The following DDC variants were observed in gnomAD, a reference collection of about 807,000 sequenced individuals.
The protein encoded by DDC is aromatic-L-amino-acid decarboxylase.
DDC carries 43 observed loss-of-function variants against 60.0 expected under a neutral mutation model. The ratio of observed to expected loss-of-function variants is 0.72; its 90% CI spans 0.56 to 0.92. The LOEUF (loss-of-function observed/expected upper bound fraction) is 0.92. DDC is among the 40% of genes least tolerant of loss of function. The pLI is 0.00. For synonymous variants in DDC, 232 were observed against 234.6 expected, an observed-to-expected ratio of 0.99 and a Z score of 0.10; for missense variants, 573 against 620.2, an observed-to-expected ratio of 0.92 and a Z score of 0.81.
intron 1 of DDC, among the ~76,000 whole-genome samples, chr7:50,558,079 C>G (rs892994337): frequency 2.1e-5 from 1 of 47,000 alleles, no homozygotes; most frequent in Non-Finnish European, 3.9e-5. Flanking sequence ...CAGAAATCAC[C>G]CCCCCCCTTA....
At chr7:50,462,648 C>G (rs1490780413) in intron 14 of DDC, among the ~76,000 whole-genome samples, 2 of 151,950 alleles carry the variant, frequency 1.3e-5, no homozygotes, top group African/African-American at 4.8e-5. Context: ...TTTGAAGAAA[C>G]CTGAAGTATT....
rs189436422 is a variant in DDC, at chr7:50,521,437, A to G, written c.714+6700T>C. 3.1e-3 allele frequency among the ~76,000 whole-genome samples: 466 copies of G among 152,322 alleles called. 1 individual carries two copies. The highest frequency in any genetic ancestry group is 0.017 in the Middle Eastern group (5 of 294). ...AATACTTTCTGACTCATTCTATGAGACCAGTATTACAAAGACATTGCAAGA... is the reference window on the plus strand; with the variant it reads ...AATACTTTCTGACTCATTCTATGAGGCCAGTATTACAAAGACATTGCAAGA... On this transcript the variant is annotated intron_variant, in intron 6 of 14. Transcript: ENST00000444124.
At chr7:50,546,302 G>A (rs867929803) in intron 1 of DDC, among the ~76,000 whole-genome samples, 1 of 152,120 alleles carries the variant, frequency 6.6e-6, no homozygotes, top group Non-Finnish European at 1.5e-5. Context: ...ACTGCAATAG[G>A]GATAGAATGT....
chr7:50,507,420 C>T (rs372451864), intron 6 of DDC, among the ~76,000 whole-genome samples: 79 of 152,204 alleles, frequency 5.2e-4, no homozygotes, highest in African/African-American at 1.8e-3. Context: ...TTAGTAGAGA[C>T]GGGGTTTCAC....
At chr7:50,489,586 A>C (rs557660622) in intron 9 of DDC, among the ~76,000 whole-genome samples, 2 of 152,352 alleles carry the variant, frequency 1.3e-5, no homozygotes, top group South Asian at 4.1e-4. Flanking sequence ...ACCCAGGAGA[A>C]GATGACAATC....
At chr7:50,510,705 G>A (rs1314917754) in intron 6 of DDC, among the ~76,000 whole-genome samples, 1 of 150,664 alleles carries the variant, frequency 6.6e-6, no homozygotes, top group Non-Finnish European at 1.5e-5. Flanking sequence ...AAGATGGCAG[G>A]GCACGGTGGC....
At chr7:50,529,451 G>T in intron 4 of DDC, 109 bp from the exon 5 acceptor site, 1 of 1,337,796 alleles carries the variant, frequency 7.5e-7, no homozygotes, top group Non-Finnish European at 1.1e-6. Context: ...TAAAATATGA[G>T]TCTGAAATGG....
In DDC at chr7:50,543,878, C is replaced by T. The variant is rs1172420809; in HGVS notation, c.201+7G>A. 1.9e-6 allele frequency: 3 copies of T among 1,613,652 alleles called. No homozygotes were observed. In the South Asian group the frequency reaches 3.3e-5, roughly 18 times the overall value. On this transcript the variant is annotated splice_region_variant and intron_variant, in intron 2 of 14. Transcript: ENST00000444124. ...CTCCTGTTTTCTGACCTTGGATACACACTTACCCCAGGCATGATTATCTTC... is the reference window on the plus strand; with the variant it reads ...CTCCTGTTTTCTGACCTTGGATACATACTTACCCCAGGCATGATTATCTTC...
intron 6 of DDC, among the ~76,000 whole-genome samples, chr7:50,518,219 A>C (rs1329019721): frequency 4.0e-5 from 6 of 151,332 alleles, no homozygotes; most frequent in Non-Finnish European, 8.9e-5. Context: ...CTCAAAAAAA[A>C]AAAAAAAGAA....
At chr7:50,520,941 A>G (rs1314973943) in intron 6 of DDC, among the ~76,000 whole-genome samples, 1 of 130,078 alleles carries the variant, frequency 7.7e-6, no homozygotes, top group Non-Finnish European at 1.7e-5. Context: ...ATAAATAAAT[A>G]AATGCAATGT....
intron 9 of DDC, among the ~76,000 whole-genome samples, chr7:50,480,169 T>C (rs1431179646): frequency 6.6e-6 from 1 of 152,194 alleles, no homozygotes; most frequent in Admixed American, 6.5e-5. Flanking sequence ...CTCGATGGCT[T>C]CCAATCTCCA....
At chr7:50,548,195 G>A (rs1309770229) in intron 1 of DDC, among the ~76,000 whole-genome samples, 1 of 152,114 alleles carries the variant, frequency 6.6e-6, no homozygotes, top group Non-Finnish European at 1.5e-5. Context: ...TCTAAGATGT[G>A]ACAAAATTGA....
At chr7:50,502,693 G>A (rs993275431) in intron 7 of DDC, among the ~76,000 whole-genome samples, 2 of 152,250 alleles carry the variant, frequency 1.3e-5, no homozygotes, top group Admixed American at 6.5e-5. Context: ...CTGTGAGAGC[G>A]GGTAAGTCTA....
At chr7:50,526,345 A>G (rs186836981) in intron 6 of DDC, among the ~76,000 whole-genome samples, 42 of 152,326 alleles carry the variant, frequency 2.8e-4, no homozygotes, top group African/African-American at 9.9e-4. Flanking sequence ...TATACCCAGA[A>G]AAAATATCTT....
chr7:50,522,609 G>A (rs2043926010), intron 6 of DDC, among the ~76,000 whole-genome samples: 1 of 152,160 alleles, frequency 6.6e-6, no homozygotes, highest in Admixed American at 6.5e-5. Flanking sequence ...CACAAATGAA[G>A]TCAACTGATC....
chr7:50,526,966 C>T (rs1246715315), intron 6 of DDC, among the ~76,000 whole-genome samples: 1 of 151,920 alleles, frequency 6.6e-6, no homozygotes, highest in Non-Finnish European at 1.5e-5. Context: ...AAAATATGTA[C>T]ACAATTTAAC....
chr7:50,510,854 G>A (rs1365374825), intron 6 of DDC, among the ~76,000 whole-genome samples: 4 of 150,574 alleles, frequency 2.7e-5, no homozygotes, highest in African/African-American at 4.9e-5. Flanking sequence ...GGTGGTGGGC[G>A]CCTGTAGTCC....
chr7:50,511,578 A>T (rs1040170094), intron 6 of DDC, among the ~76,000 whole-genome samples: 5 of 152,122 alleles, frequency 3.3e-5, no homozygotes, highest in Non-Finnish European at 7.4e-5. Flanking sequence ...AATACAAAAA[A>T]ATTAGCCAGG....
chr7:50,555,002 A>C (rs1176921781), intron 1 of DDC, among the ~76,000 whole-genome samples: 5 of 152,148 alleles, frequency 3.3e-5, no homozygotes, highest in Non-Finnish European at 1.5e-5. Context: ...GTAACCGAGG[A>C]AGCTCAGGTA....
Sources: allele counts gnomAD v4.1 joint callset (sites outside exome capture counted in the v4.1 genomes callset), GRCh38; gene constraint gnomAD v4.1.1; transcripts MANE v1.5; gene names NCBI Gene and HGNC (gene_info 2026-07-23, HGNC 2026-07-21).